NIM1K: variants seen among roughly 807,000 people sequenced by gnomAD.
The protein encoded by NIM1K is NIM1 serine/threonine protein kinase.
Under a neutral mutation model 37.1 loss-of-function variants are expected in NIM1K, and 35 were observed. That is an observed-to-expected ratio of 0.94 (90% confidence interval 0.72 to 1.25). NIM1K has a LOEUF of 1.25. NIM1K is among the 50% of genes most tolerant of loss of function. The pLI is 0.00. For missense variants in NIM1K, 564 were observed against 548.0 expected (o/e 1.03, Z -0.29); for synonymous variants, 234 against 206.6 (o/e 1.13, Z -1.14).
chr5:43,255,465 A>G (rs964753219), intron 2 of NIM1K, among the ~76,000 whole-genome samples: 1 of 152,200 alleles, frequency 6.6e-6, no homozygotes, highest in African/African-American at 2.4e-5. Flanking sequence ...AAGAAAGAAA[A>G]GAGGGCCGGG....
At chr5:43,199,204 A>AATATATATATATAT (rs1162677436) in intron 1 of NIM1K, among the ~76,000 whole-genome samples, 1 of 94,072 alleles carries the variant, frequency 1.1e-5, no homozygotes, top group African/African-American at 3.9e-5. Context: ...AAAAAAAAAA[A>AATATATATATATAT]ATATATATAT....
intron 2 of NIM1K, among the ~76,000 whole-genome samples, chr5:43,255,762 G>GAAAGAAAGAAAGAA (rs1225949090): frequency 2.7e-5 from 4 of 147,344 alleles, no homozygotes; most frequent in Middle Eastern, 3.2e-3. Flanking sequence ...AAAAAAGAAA[G>GAAAGAAAGAAAGAA]AAAGAAAGAA....
At chr5:43,205,861 A>T (rs963930828) in intron 1 of NIM1K, among the ~76,000 whole-genome samples, 2 of 152,118 alleles carry the variant, frequency 1.3e-5, no homozygotes, top group Non-Finnish European at 2.9e-5. Context: ...TACAGGTGCC[A>T]GCCACCACGC....
intron 1 of NIM1K, among the ~76,000 whole-genome samples, chr5:43,244,492 A>G (rs1752748983): frequency 6.6e-6 from 1 of 152,198 alleles, no homozygotes; most frequent in Admixed American, 6.5e-5. Flanking sequence ...ATTTCTTGTC[A>G]CTGGCAATGC....
Position 43,192,228 on chromosome 5 carries a change from G to GT in NIM1K, c.-875dup, listed in dbSNP as rs1439815452. ...GAGCCGGCCTAGGCCGGAGGGCGGG[G>GT]TTTGCCCTGGGCCGCTGCCGGTCAG... On this transcript the variant is annotated 5_prime_UTR_variant, in exon 1 of 4. Transcript: ENST00000326035. 1 of 152,414 alleles carries GT rather than the reference G, an allele frequency of 6.6e-6. No homozygotes were observed. Among genetic ancestry groups the GT allele is most frequent in the African/African-American group, 2.4e-5 (1 of 41,462 alleles). The allele number at this position is 152,414 out of a possible 1,614,324, so 9.4% of individuals were successfully genotyped here. A position where few individuals can be genotyped will look rare whatever the true frequency, so the allele number is the denominator to read the frequency against.
chr5:43,269,389 C>T (rs1247243598), intron 2 of NIM1K, among the ~76,000 whole-genome samples: 1 of 151,666 alleles, frequency 6.6e-6, no homozygotes, highest in Admixed American at 6.6e-5. Context: ...CTTTTCCCAC[C>T]CCTTTACCTT....
In NIM1K at chr5:43,280,668, A is replaced by G; in HGVS notation, c.1250A>G (p.Lys417Arg). The change falls in exon 4 of 4, where the codon AAA becomes AGA. Residue 417 changes from lysine to arginine, a missense_variant. By Grantham distance (26) the Lys-to-Arg change is conservative. Coordinates refer to ENST00000326035, the MANE Select transcript of NIM1K (RefSeq NM_153361.4). Reference sequence around the variant, plus strand: ...CCAGACCCTAAAGAAAGAGACCTCAAAAAAGGGTCCCGTGTCTACAGAGGG... The same window carrying G: ...CCAGACCCTAAAGAAAGAGACCTCAGAAAAGGGTCCCGTGTCTACAGAGGG... The part of the protein sequence containing the change: ...MLPDPKERDL[K>R]KGSRVYRGIR... The G allele has an allele frequency of 1.2e-6, 2 of 1,613,694 alleles. No individual in the cohort carries two copies. Among genetic ancestry groups the G allele is most frequent in the Non-Finnish European group, 1.7e-6 (2 of 1,179,910 alleles).
chr5:43,231,963 C>G, intron 1 of NIM1K: 1 of 967,790 alleles, frequency 1.0e-6, no homozygotes, highest in Non-Finnish European at 1.6e-6. Flanking sequence ...AACAAAAGCA[C>G]TCTTGACATA....
intron 1 of NIM1K, among the ~76,000 whole-genome samples, chr5:43,222,020 CATG>C (rs1752387251): frequency 1.3e-5 from 2 of 152,080 alleles, no homozygotes; most frequent in African/African-American, 4.8e-5. Context: ...GAGGAGGAGG[CATG>C]AGAGTTTCAG....
At chr5:43,195,248 C>T (rs1203313695) in intron 1 of NIM1K, among the ~76,000 whole-genome samples, 2 of 152,166 alleles carry the variant, frequency 1.3e-5, no homozygotes, top group African/African-American at 2.4e-5. Flanking sequence ...CTTGAATTAA[C>T]CACATCATAG....
intron 1 of NIM1K, among the ~76,000 whole-genome samples, chr5:43,223,149 A>C (rs1353525589): frequency 6.6e-6 from 1 of 151,888 alleles, no homozygotes; most frequent in Non-Finnish European, 1.5e-5. Context: ...AAAAAAAAAA[A>C]AAAAAAAAAA....
rs954178464 is a variant in NIM1K at position 43,257,969 on chromosome 5, G to A, written c.292+11902G>A. 5.3e-5 allele frequency among the ~76,000 whole-genome samples: 8 copies of A among 152,032 alleles called. No individual in the cohort carries two copies. The South Asian group carries it at 1.7e-3, about 32-fold the overall frequency. On this transcript the variant is annotated intron_variant, in intron 2 of 3. Coordinates refer to ENST00000326035, the MANE Select transcript of NIM1K (RefSeq NM_153361.4). ...TTTAACGCATATCAATACCAAAAAA[G>A]TTTAAAAATCATGAGTATTCATTTT...
chr5:43,213,677 G>A (rs957641810), intron 1 of NIM1K, among the ~76,000 whole-genome samples: 1 of 152,124 alleles, frequency 6.6e-6, no homozygotes. Flanking sequence ...TATTTTTTTA[G>A]TAGAGCTTGG....
intron 2 of NIM1K, among the ~76,000 whole-genome samples, chr5:43,262,820 G>A (rs1040262338): frequency 6.6e-6 from 1 of 152,106 alleles, no homozygotes; most frequent in Non-Finnish European, 1.5e-5. Flanking sequence ...AGCATGAAGG[G>A]TTGTTGAATT....
intron 2 of NIM1K, among the ~76,000 whole-genome samples, chr5:43,254,339 A>G (rs1011878993): frequency 7.2e-5 from 11 of 152,192 alleles, no homozygotes; most frequent in Admixed American, 7.2e-4. Flanking sequence ...ACTTGGAGGT[A>G]TATGGAATTC....
chr5:43,211,368 T>A (rs142458843), intron 1 of NIM1K, among the ~76,000 whole-genome samples: 5 of 152,080 alleles, frequency 3.3e-5, no homozygotes. Context: ...CTTACTCTTG[T>A]AGTGGGGAAG....
rs1752757484 is a variant in NIM1K, at chr5:43,245,202, G to A, written c.-574G>A. 1 of 152,236 alleles carries A rather than the reference G, an allele frequency of 6.6e-6. No homozygotes were observed. Among genetic ancestry groups the A allele is most frequent in the Non-Finnish European group, 1.5e-5 (1 of 68,062 alleles). The allele number at this position is 152,236 out of a possible 1,614,324, so 9.4% of individuals were successfully genotyped here. ...TCTTTGGCTGCCTGTGTGACCAGAA[G>A]GCTTATTTGCAAGTTTCTTCTTTCC... On this transcript the variant is annotated 5_prime_UTR_variant, in exon 2 of 4. Transcript: ENST00000326035.
At chr5:43,259,113 T>C (rs866268343) in intron 2 of NIM1K, among the ~76,000 whole-genome samples, 1 of 152,216 alleles carries the variant, frequency 6.6e-6, no homozygotes, top group South Asian at 2.1e-4. Flanking sequence ...AGCTGAGTAG[T>C]ATTCTATGGT....
In NIM1K at chr5:43,234,707, T is replaced by C. The variant is rs867583056; in HGVS notation, c.-694-10375T>C. ...TGGAATGCAGTGGCGCGATCTTGGC[T>C]CACTGCAACCTCCACCTCCTGGGTT... is the stretch of plus-strand genomic sequence containing the variant. On this transcript the variant is annotated intron_variant, in intron 1 of 3. Coordinates refer to ENST00000326035, the MANE Select transcript of NIM1K (RefSeq NM_153361.4). Among the ~76,000 whole-genome samples, 6 of 152,238 alleles carry C rather than the reference T, an allele frequency of 3.9e-5. No homozygotes were observed. In the South Asian group the frequency reaches 6.2e-4, roughly 16 times the overall value.
Sources: gnomAD v4.1 joint callset for allele counts (sites outside exome capture counted in the v4.1 genomes callset) on GRCh38, gnomAD v4.1.1 for gene constraint, MANE v1.5 for transcripts, NCBI Gene and HGNC (gene_info 2026-07-23, HGNC 2026-07-21) for gene names.